SLC36A3: variants seen among roughly 807,000 people sequenced by gnomAD.
SLC36A3 encodes solute carrier family 36 member 3.
Under a neutral mutation model 44.3 loss-of-function variants are expected in SLC36A3, and 35 were observed. That is an observed-to-expected ratio of 0.79 (90% CI 0.60 to 1.05). SLC36A3 has a LOEUF of 1.05. SLC36A3 is among the 50% of genes least tolerant of loss of function. The probability of loss-of-function intolerance (pLI) is 0.00; values close to 1 mark genes in which losing one functional copy is unlikely to be tolerated. For missense variants in SLC36A3, 540 were observed against 578.7 expected (o/e 0.93, Z 0.69); for synonymous variants, 211 against 227.6 (o/e 0.93, Z 0.66).
intron 4 of SLC36A3, among the ~76,000 whole-genome samples, chr5:151,291,024 C>T (rs1354135821): frequency 6.6e-6 from 1 of 151,264 alleles, no homozygotes; most frequent in Non-Finnish European, 1.5e-5. Context: ...GCTCTGTTTC[C>T]CAGGCTAGAG....
In SLC36A3 at chr5:151,281,859, A is replaced by G. The variant is rs985431071; in HGVS notation, c.975-676T>C. On this transcript the variant is annotated intron_variant, in intron 8 of 9. Coordinates refer to ENST00000335230, the MANE Select transcript of SLC36A3 (RefSeq NM_181774.4). Reference sequence around the variant, plus strand: ...AAAAAAGACAATATATGCATAGAGTAAAATTCATGGTACAAAAGTCATACA... The same window carrying G: ...AAAAAAGACAATATATGCATAGAGTGAAATTCATGGTACAAAAGTCATACA... Among the ~76,000 whole-genome samples, 14 of 152,260 alleles carry G rather than the reference A, an allele frequency of 9.2e-5. 1 individual carries two copies. Among genetic ancestry groups the G allele is most frequent in the Admixed American group, 7.2e-4 (11 of 15,290 alleles).
intron 3 of SLC36A3, among the ~76,000 whole-genome samples, chr5:151,293,713 T>C (rs1754845787): frequency 6.6e-6 from 1 of 152,204 alleles, no homozygotes; most frequent in Non-Finnish European, 1.5e-5. Flanking sequence ...GCGGTAGCTG[T>C]GCATTGACGT....
At position 151,281,182 on chromosome 5, in the gene SLC36A3, A is replaced by G; in HGVS notation, c.976T>C (p.Leu326=). The G allele has an allele frequency of 6.2e-7, 1 of 1,604,884 alleles. No individual in the cohort carries two copies. The highest frequency in any genetic ancestry group is 8.5e-7 in the Non-Finnish European group (1 of 1,174,908). Residue 326 remains leucine, a splice_region_variant and synonymous_variant, in exon 9 of 10, where the codon TTG becomes CTG. Coordinates refer to ENST00000335230, the MANE Select transcript of SLC36A3 (RefSeq NM_181774.4). ...SITLNLPNCW[L]YQSVKLMYSI... ...TACATCAGCTTGACTGACTGGTACA[A>G]CCTGCAGACACATGAATTGGATGTG...
At position 151,284,652 on chromosome 5, in the gene SLC36A3, G is replaced by C; in HGVS notation, c.768C>G (p.Phe256Leu). 1 of 1,613,242 alleles carries C rather than the reference G, an allele frequency of 6.2e-7. No individual in the cohort carries two copies. The highest frequency in any genetic ancestry group is 8.5e-7 in the Non-Finnish European group (1 of 1,179,390). Residue 256 changes from phenylalanine (F) to leucine (L), a missense_variant, in exon 7 of 10, where the codon TTC (phenylalanine) becomes TTG (leucine). Coordinates refer to ENST00000335230, the MANE Select transcript of SLC36A3 (RefSeq NM_181774.4). ...LMANWKTFLL[F>L]FGTAIFTFEG... ...CAAATGTGAAGATGGCTGTACCAAA[G>C]AACAGCAAGAAGGTCTTCCAGTTTG...
In SLC36A3 at chr5:151,280,957, G is replaced by T. The variant is rs551738980; in HGVS notation, c.1144+57C>A. ...CAGATCCAATGATGGTGGGGTGGGC[G>T]CCAGCGTGGCTCCCTGTCATAGCTT... On this transcript the variant is annotated intron_variant, in intron 9 of 9. Transcript: ENST00000335230. 4.4e-6 allele frequency: 7 copies of T among 1,602,624 alleles called. No individual in the cohort carries two copies. The Admixed American group carries it at 6.7e-5, about 15-fold the overall frequency.
At chr5:151,277,809 C>T in intron 9 of SLC36A3, 148 bp from the exon 10 acceptor site, 2 of 840,808 alleles carry the variant, frequency 2.4e-6, no homozygotes, top group Non-Finnish European at 3.6e-6. Context: ...CAGGCAACTC[C>T]CACCCCTGTC....
chr5:151,296,970 T>C (rs372037932), intron 2 of SLC36A3: 10 of 152,376 alleles, frequency 6.6e-5, no homozygotes, highest in African/African-American at 2.2e-4. Context: ...CCAGAGGTGA[T>C]CAGAAGGGTA....
rs1754118697 is a variant in SLC36A3 at position 151,277,195 on chromosome 5, C to A, written c.*198G>T. On this transcript the variant is annotated 3_prime_UTR_variant, in exon 10 of 10. Coordinates refer to ENST00000335230, the MANE Select transcript of SLC36A3 (RefSeq NM_181774.4). ...TTGGTTCAGAGGTACAAAAGGCCAT[C>A]CAAAAAATATAAAACCAAAAGAGGT... is the stretch of plus-strand genomic sequence containing the variant. 4.3e-6 allele frequency: 3 copies of A among 697,372 alleles called. No homozygotes were observed. The Admixed American group carries it at 9.1e-5, about 21-fold the overall frequency. The allele number at this position is 697,372 out of a possible 1,614,324, so 43.2% of individuals were successfully genotyped here. A position where few individuals can be genotyped will look rare whatever the true frequency, so the allele number is the denominator to read the frequency against.
chr5:151,281,174 C>G lies in SLC36A3; in HGVS notation c.984G>C (p.Gln328His), dbSNP rs535145820. 1.3e-5 allele frequency: 21 copies of G among 1,607,814 alleles called. No individual in the cohort carries two copies. In the African/African-American group the frequency reaches 2.0e-4, roughly 15 times the overall value. The part of the protein sequence containing the change: ...TLNLPNCWLY[Q>H]SVKLMYSIGI... ...CGATAGAGTACATCAGCTTGACTGA[C>G]TGGTACAACCTGCAGACACATGAAT... The change falls in exon 9 of 10, where the codon CAG (glutamine) becomes CAC (histidine). Residue 328 changes from glutamine (Q) to histidine (H), a missense_variant. By Grantham distance (24) the Gln-to-His change is conservative (BLOSUM62 0). Coordinates refer to ENST00000335230, the MANE Select transcript of SLC36A3 (RefSeq NM_181774.4).
rs1254466034 is a variant in SLC36A3 at position 151,277,512 on chromosome 5, C to T, written c.1294G>A (p.Asp432Asn). The change falls in exon 10 of 10, where the codon GAC (aspartate) becomes AAC (asparagine). Residue 432 changes from aspartate (D) to asparagine (N), a missense_variant. Asp to Asn is a conservative substitution (Grantham distance 23). Coordinates refer to ENST00000335230, the MANE Select transcript of SLC36A3 (RefSeq NM_181774.4). ...EDMSCVTIAK[D>N]IMISIVGLLG... ...AGGCCCACGATGCTAATCATGATGT[C>T]CTTGGCAATGGTGACACAGCTCATG... The T allele has an allele frequency of 1.9e-6, 3 of 1,614,050 alleles. No homozygotes were observed. The highest frequency in any genetic ancestry group is 2.2e-5 in the East Asian group (1 of 44,898).
Position 151,277,356 on chromosome 5 carries a change from G to A in SLC36A3, c.*37C>T, listed in dbSNP as rs2127249156. ...TCCACATGGAAGTCAAACTGGGGAT[G>A]GGAGGAAGGGAGAGCTATTAGAATA... is the stretch of plus-strand genomic sequence containing the variant. On this transcript the variant is annotated 3_prime_UTR_variant, in exon 10 of 10. Coordinates refer to ENST00000335230, the MANE Select transcript of SLC36A3 (RefSeq NM_181774.4). 6.2e-7 allele frequency: 1 copy of A among 1,606,484 alleles called. No homozygotes were observed. Among genetic ancestry groups the A allele is most frequent in the South Asian group, 1.1e-5 (1 of 90,814 alleles).
In SLC36A3 at chr5:151,277,674, G is replaced by A. The variant is rs1285815394; in HGVS notation, c.1145-13C>T. ...ATGGCTGAGACACCTGCAATGAAAG[G>A]AGATATTTAGAATCACTGAATGTGC... is the stretch of plus-strand genomic sequence containing the variant. On this transcript the variant is annotated splice_polypyrimidine_tract_variant and intron_variant, in intron 9 of 9. Coordinates refer to ENST00000335230, the MANE Select transcript of SLC36A3 (RefSeq NM_181774.4). The A allele has an allele frequency of 6.2e-7, 1 of 1,611,714 alleles. No individual in the cohort carries two copies. Among genetic ancestry groups the A allele is most frequent in the Non-Finnish European group, 8.5e-7 (1 of 1,178,914 alleles).
Position 151,276,477 on chromosome 5 carries a change from C to A in SLC36A3, c.*916G>T, listed in dbSNP as rs998296350. On this transcript the variant is annotated 3_prime_UTR_variant, in exon 10 of 10. Coordinates refer to ENST00000335230, the MANE Select transcript of SLC36A3 (RefSeq NM_181774.4). The stretch of plus-strand genomic sequence containing the variant: ...GGAATATTCCATTGTATGGCTACAT[C>A]ACAATTTATTTATCCATTCTCTTGT... Among the ~76,000 whole-genome samples the A allele has an allele frequency of 1.3e-5, 2 of 152,182 alleles. No individual in the cohort carries two copies. Among genetic ancestry groups the A allele is most frequent in the Admixed American group, 1.3e-4 (2 of 15,274 alleles).
chr5:151,300,422 G>T (rs567340389), intron 1 of SLC36A3, among the ~76,000 whole-genome samples: 2 of 152,272 alleles, frequency 1.3e-5, no homozygotes, highest in South Asian at 4.2e-4. Context: ...TAAGGATGGG[G>T]GGGTGGGCAC....
In SLC36A3 at chr5:151,286,857, T is replaced by C. The variant is rs189647190; in HGVS notation, c.708+389A>G. On this transcript the variant is annotated intron_variant, in intron 6 of 9. Coordinates refer to ENST00000335230, the MANE Select transcript of SLC36A3 (RefSeq NM_181774.4). ...TCCATCTACCACTTTTACAATTTTTTTGGTGATTTGATTGATGTTTATCTC... is the reference window on the plus strand; with the variant it reads ...TCCATCTACCACTTTTACAATTTTTCTGGTGATTTGATTGATGTTTATCTC... 3.3e-4 allele frequency among the ~76,000 whole-genome samples: 50 copies of C among 152,338 alleles called. 1 individual carries two copies. Among genetic ancestry groups the C allele is most frequent in the Admixed American group, 3.2e-3 (49 of 15,298 alleles).
rs768927319 is a variant in SLC36A3 at position 151,281,126 on chromosome 5, G to T, written c.1032C>A (p.Leu344=). Reference sequence around the variant, plus strand: ...TGATCTCAGCTGGGACGTGGAACTGGAGGGCATAGGTGAAGAAGATGCCGA... The same window carrying T: ...TGATCTCAGCTGGGACGTGGAACTGTAGGGCATAGGTGAAGAAGATGCCGA... ...YSIGIFFTYA[L]QFHVPAEIII... The change falls in exon 9 of 10, where the codon CTC becomes CTA. Residue 344 remains leucine (L), a synonymous_variant. Coordinates refer to ENST00000335230, the MANE Select transcript of SLC36A3 (RefSeq NM_181774.4). The T allele has an allele frequency of 1.2e-6, 2 of 1,614,044 alleles. No individual in the cohort carries two copies. Among genetic ancestry groups the T allele is most frequent in the East Asian group, 4.5e-5 (2 of 44,894 alleles).
chr5:151,297,948 G>A (rs1966471), intron 2 of SLC36A3: 59,957 of 152,024 alleles, frequency 0.39, 12,421 homozygotes, highest in African/African-American at 0.49. Context: ...GCGACAGAGC[G>A]AGACTCTGTC....
intron 9 of SLC36A3, among the ~76,000 whole-genome samples, chr5:151,278,128 A>G (rs999034613): frequency 2.0e-5 from 3 of 152,224 alleles, no homozygotes; most frequent in Non-Finnish European, 4.4e-5. Flanking sequence ...GCTCAGAACC[A>G]ACATTTGTAG....
intron 2 of SLC36A3, chr5:151,298,307 G>A (rs954192145): frequency 2.1e-4 from 67 of 315,420 alleles, no homozygotes; most frequent in African/African-American, 1.3e-3. Flanking sequence ...TGCAAATGAC[G>A]AAATGAGCTG....
Sources: allele counts gnomAD v4.1 joint callset (sites outside exome capture counted in the v4.1 genomes callset), GRCh38; gene constraint gnomAD v4.1.1; transcripts MANE v1.5; gene names NCBI Gene and HGNC (gene_info 2026-07-23, HGNC 2026-07-21).